TGFA: variants seen among roughly 807,000 people sequenced by gnomAD.
TGFA encodes transforming growth factor alpha.
In TGFA, 12 loss-of-function variants were observed where a neutral mutation model predicts 21.7. The observed-to-expected ratio is 0.55, with a 90% CI of 0.35 to 0.90. TGFA has a LOEUF of 0.90. Ranked by LOEUF, TGFA falls within the 40% of genes least tolerant of loss-of-function variation. TGFA has a pLI of 0.01. For synonymous variants in TGFA, 79 were observed against 88.1 expected (o/e 0.90, Z 0.58); for missense variants, 178 against 210.8 (o/e 0.84, Z 0.96).
chr2:70,502,968 A>G (rs1210520755), intron 2 of TGFA, among the ~76,000 whole-genome samples: 1 of 152,126 alleles, frequency 6.6e-6, no homozygotes, highest in East Asian at 1.9e-4. Flanking sequence ...GGAGGCACAG[A>G]GTGGTTAAGA....
chr2:70,488,006 C>T (rs1230105012), intron 2 of TGFA, among the ~76,000 whole-genome samples: 1 of 152,144 alleles, frequency 6.6e-6, no homozygotes, highest in African/African-American at 2.4e-5. Flanking sequence ...TCGTCAATTT[C>T]GTGGCAATGT....
At chr2:70,484,551 C>G (rs1671217277) in intron 2 of TGFA, among the ~76,000 whole-genome samples, 1 of 152,168 alleles carries the variant, frequency 6.6e-6, no homozygotes, top group Admixed American at 6.5e-5. Flanking sequence ...TAGGGAATTA[C>G]CTCTTCCCCT....
intron 1 of TGFA, among the ~76,000 whole-genome samples, chr2:70,532,830 A>G (rs1379286664): frequency 2.6e-5 from 4 of 151,404 alleles, no homozygotes; most frequent in African/African-American, 9.7e-5. Context: ...GGTGAAGCAC[A>G]TCTCTGAATA....
chr2:70,519,903 A>AT (rs1672396545), intron 1 of TGFA, among the ~76,000 whole-genome samples: 1 of 152,248 alleles, frequency 6.6e-6, no homozygotes, highest in Non-Finnish European at 1.5e-5. Flanking sequence ...GGGCTTTGCC[A>AT]TCAGGCCTGG....
intron 3 of TGFA, among the ~76,000 whole-genome samples, chr2:70,457,550 T>G (rs1263776745): frequency 6.6e-6 from 1 of 151,702 alleles, no homozygotes; most frequent in Non-Finnish European, 1.5e-5. Context: ...GACTTCTTTT[T>G]TTTTTTTTTG....
chr2:70,499,468 G>A (rs1379116523), intron 2 of TGFA, among the ~76,000 whole-genome samples: 2 of 152,232 alleles, frequency 1.3e-5, no homozygotes, highest in African/African-American at 4.8e-5. Context: ...TTTTGTCACT[G>A]CAGCATAACC....
At position 70,533,153 on chromosome 2, in the gene TGFA, C is replaced by T. The variant is rs569152778; in HGVS notation, c.41-18241G>A. Among the ~76,000 whole-genome samples, 11 of 152,298 alleles carry T rather than the reference C, an allele frequency of 7.2e-5. No homozygotes were observed. The East Asian group carries it at 1.7e-3, about 24-fold the overall frequency. On this transcript the variant is annotated intron_variant, in intron 1 of 5. Transcript: ENST00000295400. ...CTGGGATTACAGGCGTGAGCCGCCA[C>T]GCCCAGCGGTTTATTTTCTTTACTG...
At chr2:70,553,701 AG>A (rs1673588535) in intron 1 of TGFA, 26 bp downstream of exon 1, 5 of 1,328,550 alleles carry the variant, frequency 3.8e-6, no homozygotes, top group South Asian at 2.2e-5. Flanking sequence ...CGCGCGGCGC[AG>A]GGGGCGCCGC....
chr2:70,524,207 A>G (rs528244056), intron 1 of TGFA, among the ~76,000 whole-genome samples: 1 of 152,358 alleles, frequency 6.6e-6, no homozygotes, highest in African/African-American at 2.4e-5. Flanking sequence ...AAGCAAAGCA[A>G]ATAGCAGATA....
At chr2:70,470,430 C>T (rs1195838035) in intron 2 of TGFA, among the ~76,000 whole-genome samples, 1 of 152,184 alleles carries the variant, frequency 6.6e-6, no homozygotes, top group Non-Finnish European at 1.5e-5. Flanking sequence ...TTGTTCTGCA[C>T]AAGCTGGACA....
intron 1 of TGFA, among the ~76,000 whole-genome samples, chr2:70,531,473 G>A (rs1213059571): frequency 6.6e-6 from 1 of 152,164 alleles, no homozygotes; most frequent in Non-Finnish European, 1.5e-5. Context: ...AACATAAGTG[G>A]GGACACCTTC....
At chr2:70,535,736 C>T (rs1299329054) in intron 1 of TGFA, among the ~76,000 whole-genome samples, 1 of 152,218 alleles carries the variant, frequency 6.6e-6, no homozygotes, top group Non-Finnish European at 1.5e-5. Flanking sequence ...TCTGTTGCAC[C>T]GTATGGGAAA....
chr2:70,541,947 G>A (rs781970387), intron 1 of TGFA, among the ~76,000 whole-genome samples: 8 of 152,092 alleles, frequency 5.3e-5, no homozygotes, highest in African/African-American at 9.7e-5. Flanking sequence ...CACGCAGACC[G>A]GCCTGATGAT....
chr2:70,465,133 T>G (rs1419551905), intron 3 of TGFA, among the ~76,000 whole-genome samples: 1 of 152,242 alleles, frequency 6.6e-6, no homozygotes, highest in Non-Finnish European at 1.5e-5. Context: ...AAGTCGCTTC[T>G]GGTTCTGTTA....
chr2:70,471,467 G>C (rs1164907575), intron 2 of TGFA, among the ~76,000 whole-genome samples: 1 of 152,228 alleles, frequency 6.6e-6, no homozygotes, highest in Non-Finnish European at 1.5e-5. Flanking sequence ...TACGAGCCTC[G>C]TGAGCTGATG....
rs558488610 is a variant in TGFA, at chr2:70,514,920, G to A, written c.41-8C>T. On this transcript the variant is annotated splice_region_variant and splice_polypyrimidine_tract_variant and intron_variant, in intron 1 of 5. Transcript: ENST00000295400. ...ACGCAGCCAACACAATACCTGTTGG[G>A]TGGAGGAGAAGAGGGAAAAGGTCAG... The A allele has an allele frequency of 1.5e-5, 24 of 1,613,416 alleles. No homozygotes were observed. Among genetic ancestry groups the A allele is most frequent in the Non-Finnish European group, 2.0e-5 (24 of 1,179,634 alleles).
intron 5 of TGFA, 129 bp from the exon 6 acceptor site, chr2:70,450,995 G>A (rs1181262557): frequency 8.0e-6 from 9 of 1,120,234 alleles, no homozygotes; most frequent in South Asian, 2.7e-5. Flanking sequence ...AGTTAGGCCC[G>A]AGTCCAAATT....
At chr2:70,539,883 G>A (rs1169388489) in intron 1 of TGFA, among the ~76,000 whole-genome samples, 2 of 152,150 alleles carry the variant, frequency 1.3e-5, no homozygotes, top group Non-Finnish European at 2.9e-5. Context: ...GCCAGGTGTG[G>A]TCTGTGGTTC....
intron 2 of TGFA, among the ~76,000 whole-genome samples, chr2:70,511,617 C>G (rs1553500930): frequency 2.0e-5 from 3 of 152,158 alleles, no homozygotes; most frequent in African/African-American, 7.2e-5. Flanking sequence ...CTTTCTGGTG[C>G]AGTAATGGAA....
Sources: gnomAD v4.1 joint callset for allele counts (sites outside exome capture counted in the v4.1 genomes callset) on GRCh38, gnomAD v4.1.1 for gene constraint, MANE v1.5 for transcripts, NCBI Gene and HGNC (gene_info 2026-07-23, HGNC 2026-07-21) for gene names.